Variants in C12orf42 observed in about 807,000 individuals in gnomAD.
C12orf42 encodes the protein uncharacterized protein C12orf42.
C12orf42 carries 25 observed loss-of-function variants against 21.6 expected under a neutral mutation model. The observed-to-expected ratio is 1.16, with a 90% CI of 0.84 to 1.62. C12orf42 has a LOEUF of 1.62. Ranked by LOEUF, C12orf42 falls within the 40% of genes most tolerant of loss-of-function variation. The pLI, the probability that C12orf42 is intolerant of heterozygous loss-of-function variation, is 0.00. For missense variants in C12orf42, 483 were observed against 459.3 expected (o/e 1.05, Z -0.47); for synonymous variants, 174 against 175.0 (o/e 0.99, Z 0.05).
At chr12:103,167,225 C>A in the C12orf42 span, among the ~76,000 whole-genome samples, 1 of 152,152 alleles carries the variant, frequency 6.6e-6, no homozygotes, top group Non-Finnish European at 1.5e-5. Context: ...ACCTTCAAAC[C>A]CAAGTCAGTA....
the C12orf42 span, among the ~76,000 whole-genome samples, chr12:103,545,681 A>G: frequency 1.3e-5 from 2 of 152,198 alleles, no homozygotes; most frequent in Non-Finnish European, 2.9e-5. Context: ...AATTGGCCCA[A>G]TGATCCTCCA....
At position 103,249,759 on chromosome 12, in the gene C12orf42, G is replaced by T. The variant is rs573139205; in HGVS notation, c.*1367-11857C>A. Among the ~76,000 whole-genome samples the T allele has an allele frequency of 6.3e-4, 96 of 152,196 alleles. 1 individual carries two copies. Among genetic ancestry groups the T allele is most frequent in the African/African-American group, 2.2e-3 (91 of 41,538 alleles). ...TGACAATACCAAGTGATGCAAATCA[G>T]TCTGCTTTATGTTATCATGCTGAAA... On this transcript the variant is annotated intron_variant and NMD_transcript_variant, in intron 10 of 10. Coordinates refer to the C12orf42 transcript ENST00000547347.
At chr12:103,338,493 C>T (rs1050585158) in intron 4 of C12orf42, among the ~76,000 whole-genome samples, 3 of 152,190 alleles carry the variant, frequency 2.0e-5, no homozygotes, top group South Asian at 4.1e-4. Flanking sequence ...GTACAGCAAG[C>T]GCTTCTAAGA....
At chr12:103,092,357 G>A in the C12orf42 span, among the ~76,000 whole-genome samples, 5 of 152,060 alleles carry the variant, frequency 3.3e-5, no homozygotes, top group Non-Finnish European at 2.9e-5. Context: ...TAGTTTGCAC[G>A]GGGGGAAAAA....
chr12:103,335,076 G>A (rs1446210926), intron 4 of C12orf42, among the ~76,000 whole-genome samples: 1 of 152,146 alleles, frequency 6.6e-6, no homozygotes, highest in Admixed American at 6.5e-5. Context: ...ATGAGAGGCT[G>A]GAATCCAATG....
chr12:103,450,366 G>C (rs1468584864), intron 2 of C12orf42, among the ~76,000 whole-genome samples: 2 of 151,976 alleles, frequency 1.3e-5, no homozygotes, highest in East Asian at 3.8e-4. Context: ...ATCTCCTCTT[G>C]CTTTACTGGG....
At chr12:103,268,069 A>G (rs1448626148), downstream of C12orf42, 2 of 152,146 alleles carry the variant, frequency 1.3e-5, no homozygotes, top group Non-Finnish European at 2.9e-5. Flanking sequence ...AACATATTGT[A>G]AAAATCAAGA....
At position 103,387,484 on chromosome 12, in the gene C12orf42, C is replaced by T. The variant is rs1445457425; in HGVS notation, c.147+14123G>A. Among the ~76,000 whole-genome samples the T allele has an allele frequency of 2.0e-5, 3 of 152,216 alleles. No homozygotes were observed. The East Asian group carries it at 5.8e-4, about 29-fold the overall frequency. The stretch of plus-strand genomic sequence containing the variant: ...TTTTATTTATTCACTTTGTGTATTA[C>T]CTGTCTTGTCCAGAACCTCTATATG... On this transcript the variant is annotated intron_variant, in intron 3 of 5. Coordinates refer to ENST00000548883, the MANE Select transcript of C12orf42 (RefSeq NM_198521.5).
At chr12:103,133,273 T>C in the C12orf42 span, among the ~76,000 whole-genome samples, 1 of 152,048 alleles carries the variant, frequency 6.6e-6, no homozygotes, top group African/African-American at 2.4e-5. Context: ...CAGAGGTTAG[T>C]CACTCCACTG....
At chr12:103,452,312 G>C (rs748290779) in intron 2 of C12orf42, among the ~76,000 whole-genome samples, 2 of 151,936 alleles carry the variant, frequency 1.3e-5, no homozygotes, top group African/African-American at 2.4e-5. Flanking sequence ...CTGACCACTA[G>C]CACACCATCA....
chr12:103,132,289 G>A, the C12orf42 span, among the ~76,000 whole-genome samples: 1 of 152,104 alleles, frequency 6.6e-6, no homozygotes, highest in East Asian at 1.9e-4. Flanking sequence ...CAATGAAGGA[G>A]AAGGAAGAGA....
intron 4 of C12orf42, among the ~76,000 whole-genome samples, chr12:103,290,939 C>T (rs997024067): frequency 1.2e-4 from 18 of 152,148 alleles, no homozygotes; most frequent in African/African-American, 3.6e-4. Flanking sequence ...GTACACTACT[C>T]GGGTGATGGA....
At chr12:103,531,200 AAG>A in the C12orf42 span, among the ~76,000 whole-genome samples, 2 of 152,250 alleles carry the variant, frequency 1.3e-5, no homozygotes, top group African/African-American at 2.4e-5. Flanking sequence ...TATTCCCCAC[AAG>A]AGAGTTTCTT....
At position 103,438,692 on chromosome 12, in the gene C12orf42, A is replaced by C. The variant is rs1247465622; in HGVS notation, c.79-37017T>G. On this transcript the variant is annotated intron_variant, in intron 2 of 5. Transcript: ENST00000548883. ...AGAGAATAAAATACCTAGGAATCCA[A>C]CTTACAAGGGATGTGAAGGACCTCT... 5.9e-5 allele frequency among the ~76,000 whole-genome samples: 9 copies of C among 152,142 alleles called. No homozygotes were observed. The South Asian group carries it at 6.2e-4, about 11-fold the overall frequency.
chr12:103,247,220 T>G (rs1319971073), intron 10 of C12orf42, among the ~76,000 whole-genome samples: 1 of 151,852 alleles, frequency 6.6e-6, no homozygotes, highest in Non-Finnish European at 1.5e-5. Flanking sequence ...AATATTTAAT[T>G]AAGATCATAT....
At chr12:103,151,942 G>C in the C12orf42 span, 1 of 152,176 alleles carries the variant, frequency 6.6e-6, no homozygotes, top group Non-Finnish European at 1.5e-5. Context: ...AACCAGATGA[G>C]TCATTAAAGG....
At chr12:103,120,157 A>T in the C12orf42 span, among the ~76,000 whole-genome samples, 1 of 152,234 alleles carries the variant, frequency 6.6e-6, no homozygotes, top group Admixed American at 6.5e-5. Flanking sequence ...AGACACAGAT[A>T]TGAATAAGAC....
rs2037767307 is a variant in C12orf42, at chr12:103,302,363, G to A, written c.828C>T (p.Gly276=). 3 of 1,613,994 alleles carry A rather than the reference G, an allele frequency of 1.9e-6. No homozygotes were observed. Among genetic ancestry groups the A allele is most frequent in the Non-Finnish European group, 2.5e-6 (3 of 1,179,900 alleles). The change falls in exon 6 of 6, where the codon GGC becomes GGT. Residue 276 remains glycine, a synonymous_variant. Transcript: ENST00000548883. ...GCATCTCCGGCGCCATGGCAACCGCGCCTTTTCCGACGGGATTTCCGGACG... is the reference window on the plus strand; with the variant it reads ...GCATCTCCGGCGCCATGGCAACCGCACCTTTTCCGACGGGATTTCCGGACG... ...LGASGNPVGK[G]AVAMAPEMLP...
At chr12:103,224,554 G>T in the C12orf42 span, among the ~76,000 whole-genome samples, 1 of 152,254 alleles carries the variant, frequency 6.6e-6, no homozygotes, top group African/African-American at 2.4e-5. Context: ...CAGGAATAAT[G>T]TGGGAGGCCA....
Sources: gnomAD v4.1 joint callset for allele counts (sites outside exome capture counted in the v4.1 genomes callset) on GRCh38, gnomAD v4.1.1 for gene constraint, MANE v1.5 for transcripts, NCBI Gene and HGNC (gene_info 2026-07-23, HGNC 2026-07-21) for gene names.